The following RGL1 variants were observed in gnomAD, a reference collection of about 807,000 sequenced individuals.
RGL1 encodes the protein ral guanine nucleotide dissociation stimulator-like 1.
In RGL1, 24 loss-of-function variants were observed where a neutral mutation model predicts 95.2. The ratio of observed to expected loss-of-function variants is 0.25; its 90% confidence interval spans 0.18 to 0.35. The LOEUF (loss-of-function observed/expected upper bound fraction) is 0.35, where lower values mean the gene tolerates loss of function less well. RGL1 is among the 10% of genes least tolerant of loss of function. The pLI is 1.00. For missense variants in RGL1, 715 were observed against 936.3 expected (o/e 0.76, Z 3.08); for synonymous variants, 329 against 344.9 (o/e 0.95, Z 0.51).
intron 3 of RGL1, 103 bp downstream of exon 3, chr1:183,847,877 T>C (rs1664550878): frequency 2.4e-6 from 2 of 843,460 alleles, no homozygotes; most frequent in Admixed American, 4.6e-5. Context: ...GAGAGAGATA[T>C]GTGAGGAAAG....
intron 2 of RGL1, among the ~76,000 whole-genome samples, chr1:183,798,785 T>G (rs1393723566): frequency 1.3e-5 from 2 of 151,880 alleles, no homozygotes; most frequent in Admixed American, 6.6e-5. Flanking sequence ...ATTCCACATG[T>G]GAGACCATAC....
intron 2 of RGL1, among the ~76,000 whole-genome samples, chr1:183,831,534 A>G (rs1663256870): frequency 1.3e-5 from 2 of 152,374 alleles, no homozygotes; most frequent in Non-Finnish European, 2.9e-5. Flanking sequence ...CATGGATGCC[A>G]TAAGAACAAT....
intron 2 of RGL1, among the ~76,000 whole-genome samples, chr1:183,789,946 G>A (rs1270983886): frequency 2.0e-5 from 3 of 150,100 alleles, no homozygotes; most frequent in Non-Finnish European, 4.4e-5. Context: ...TTTTTGAGAC[G>A]GAGTCTCACT....
intron 9 of RGL1, among the ~76,000 whole-genome samples, chr1:183,894,228 T>C (rs999927556): frequency 3.3e-5 from 5 of 152,200 alleles, no homozygotes; most frequent in Non-Finnish European, 5.9e-5. Flanking sequence ...CCTTCCAAAG[T>C]AGATAAATTG....
At chr1:183,806,533 C>T (rs555210238) in intron 2 of RGL1, 48 bp downstream of exon 2, 2 of 1,271,034 alleles carry the variant, frequency 1.6e-6, no homozygotes, top group African/African-American at 1.5e-5. Context: ...CAGTGTCTGT[C>T]GTTCTGTGAA....
At chr1:183,793,466 CCA>C (rs1660534077) in intron 2 of RGL1, among the ~76,000 whole-genome samples, 1 of 152,052 alleles carries the variant, frequency 6.6e-6, no homozygotes, top group Non-Finnish European at 1.5e-5. Flanking sequence ...AGAAAACAAT[CCA>C]CAGAGTGAAG....
chr1:183,747,782 G>A (rs1241539128), intron 2 of RGL1, among the ~76,000 whole-genome samples: 11 of 152,160 alleles, frequency 7.2e-5, no homozygotes, highest in African/African-American at 2.7e-4. Flanking sequence ...CAGGGATATT[G>A]GCCTGAAGTT....
intron 1 of RGL1, among the ~76,000 whole-genome samples, chr1:183,651,873 T>G (rs1001685028): frequency 1.3e-5 from 2 of 152,196 alleles, no homozygotes; most frequent in African/African-American, 4.8e-5. Context: ...TCTCTGGACC[T>G]CCTCCTTGCT....
At chr1:183,846,253 T>C (rs1664421697) in intron 2 of RGL1, among the ~76,000 whole-genome samples, 1 of 152,110 alleles carries the variant, frequency 6.6e-6, no homozygotes, top group Admixed American at 6.6e-5. Flanking sequence ...GGGACATGGA[T>C]GAAGCTGGAA....
chr1:183,667,574 C>T (rs9633303), intron 1 of RGL1, among the ~76,000 whole-genome samples: 10,458 of 152,156 alleles, frequency 0.069, 625 homozygotes, highest in African/African-American at 0.16. Context: ...GATCTGCCCT[C>T]CTTGGCCTCC....
At chr1:183,678,725 G>A (rs2102070623) in intron 1 of RGL1, among the ~76,000 whole-genome samples, 1 of 152,062 alleles carries the variant, frequency 6.6e-6, no homozygotes, top group Non-Finnish European at 1.5e-5. Flanking sequence ...TAAAAAAGTT[G>A]TGATGTTTGA....
At chr1:183,843,198 A>C (rs963897339) in intron 2 of RGL1, among the ~76,000 whole-genome samples, 3 of 152,244 alleles carry the variant, frequency 2.0e-5, no homozygotes, top group African/African-American at 7.2e-5. Flanking sequence ...GATTGTAGGC[A>C]CAAGAGCAAT....
rs995149434 is a variant in RGL1 at position 183,716,194 on chromosome 1, T to C, written c.-32-25932T>C. Among the ~76,000 whole-genome samples, 5 of 152,358 alleles carry C rather than the reference T, an allele frequency of 3.3e-5. No homozygotes were observed. The East Asian group carries it at 7.7e-4, about 23-fold the overall frequency. On this transcript the variant is annotated intron_variant, in intron 1 of 18. Transcript: ENST00000304685. Reference sequence around the variant, plus strand: ...CCATTACAATATACTAGAACTATTATGTTTTTACACTTCAAGAGGTGTTGA... The same window carrying C: ...CCATTACAATATACTAGAACTATTACGTTTTTACACTTCAAGAGGTGTTGA...
chr1:183,873,155 A>G (rs375509707), intron 4 of RGL1, among the ~76,000 whole-genome samples: 1 of 152,200 alleles, frequency 6.6e-6, no homozygotes, highest in African/African-American at 2.4e-5. Context: ...TCAATGGCTC[A>G]AAAAGAAGAC....
chr1:183,806,989 A>G (rs890035665), intron 2 of RGL1, among the ~76,000 whole-genome samples: 3 of 152,074 alleles, frequency 2.0e-5, no homozygotes, highest in Admixed American at 1.3e-4. Flanking sequence ...TCTTTTCTAT[A>G]TCTTGGGAGG....
intron 4 of RGL1, among the ~76,000 whole-genome samples, chr1:183,873,737 G>C (rs557121043): frequency 6.6e-6 from 1 of 152,068 alleles, no homozygotes; most frequent in Non-Finnish European, 1.5e-5. Context: ...ATGCTGTTTT[G>C]CCTGGCTGTT....
At chr1:183,777,261 A>G (rs892380444) in intron 2 of RGL1, among the ~76,000 whole-genome samples, 1 of 152,166 alleles carries the variant, frequency 6.6e-6, no homozygotes, top group Non-Finnish European at 1.5e-5. Flanking sequence ...TACTGCTGAC[A>G]TTTTCTTGCA....
At chr1:183,818,962 C>G (rs1662270188) in intron 2 of RGL1, among the ~76,000 whole-genome samples, 1 of 152,128 alleles carries the variant, frequency 6.6e-6, no homozygotes, top group Admixed American at 6.5e-5. Flanking sequence ...GAAAAGTGGC[C>G]TAGGTATGAC....
Position 183,880,740 on chromosome 1 carries a change from C to T in RGL1, c.550C>T (p.Pro184Ser). ...YLTRMMPGSDPERRAQNLLEQ... is the reference protein window; with the variant it reads ...YLTRMMPGSDSERRAQNLLEQ... ...CACACGGATGATGCCGGGCTCTGAC[C>T]CAGAAAGAAGAGCACAAAATCTTCT... is the stretch of plus-strand genomic sequence containing the variant. Residue 184 changes from proline (P) to serine (S), a missense_variant, in exon 5 of 18, where the codon CCA (proline) becomes TCA (serine). Coordinates refer to ENST00000360851, the MANE Select transcript of RGL1 (RefSeq NM_001297671.3). 1 of 1,613,840 alleles carries T rather than the reference C, an allele frequency of 6.2e-7. No individual in the cohort carries two copies. The highest frequency in any genetic ancestry group is 8.5e-7 in the Non-Finnish European group (1 of 1,179,826).
Sources: allele counts gnomAD v4.1 joint callset (sites outside exome capture counted in the v4.1 genomes callset), GRCh38; gene constraint gnomAD v4.1.1; transcripts MANE v1.5; gene names NCBI Gene and HGNC (gene_info 2026-07-23, HGNC 2026-07-21).